The following PARN variants were observed in gnomAD, a reference collection of about 807,000 sequenced individuals.
The protein encoded by PARN is poly(A)-specific ribonuclease, also known as poly(A)-specific ribonuclease PARN.
PARN carries 71 observed loss-of-function variants against 102.8 expected under a neutral mutation model. That is an observed-to-expected ratio of 0.69 (90% confidence interval 0.57 to 0.84). PARN has a LOEUF of 0.84. Among genes scored for constraint, PARN ranks in the 40% least tolerant of loss-of-function variants. PARN has a pLI of 0.00. For missense variants in PARN, 782 were observed against 760.9 expected (o/e 1.03, Z -0.33); for synonymous variants, 261 against 252.9 (o/e 1.03, Z -0.30).
At chr16:14,470,051 A>G (rs1962623717) in intron 22 of PARN, among the ~76,000 whole-genome samples, 2 of 152,238 alleles carry the variant, frequency 1.3e-5, no homozygotes, top group African/African-American at 4.8e-5. Flanking sequence ...GATGATAATG[A>G]GACTTTTAAT....
At chr16:14,513,137 C>G (rs1965289412) in intron 21 of PARN, among the ~76,000 whole-genome samples, 1 of 152,124 alleles carries the variant, frequency 6.6e-6, no homozygotes, top group African/African-American at 2.4e-5. Flanking sequence ...GTTGGCCAGG[C>G]TGGTCTCCAA....
chr16:14,476,733 A>T (rs1596476188), intron 22 of PARN, among the ~76,000 whole-genome samples: 1 of 152,202 alleles, frequency 6.6e-6, no homozygotes, highest in African/African-American at 2.4e-5. Context: ...TTCCAACAGA[A>T]CTTCATAAAA....
At chr16:14,526,719 C>T (rs891649477) in intron 21 of PARN, among the ~76,000 whole-genome samples, 1 of 152,194 alleles carries the variant, frequency 6.6e-6, no homozygotes, top group African/African-American at 2.4e-5. Context: ...AAGTCAAATT[C>T]AACAGTTGTA....
intron 21 of PARN, among the ~76,000 whole-genome samples, chr16:14,497,626 T>C (rs1039924749): frequency 6.6e-6 from 1 of 152,218 alleles, no homozygotes; most frequent in African/African-American, 2.4e-5. Context: ...CTACTTCCCA[T>C]AGCCACATAC....
chr16:14,482,911 G>A (rs1407926614), intron 21 of PARN, 84 bp from the exon 22 acceptor site: 1 of 1,187,298 alleles, frequency 8.4e-7, no homozygotes, highest in Non-Finnish European at 1.2e-6. Context: ...GTGGCCTAAG[G>A]TGGTCAAAGG....
At chr16:14,519,283 G>C (rs1298855221) in intron 21 of PARN, among the ~76,000 whole-genome samples, 5 of 121,564 alleles carry the variant, frequency 4.1e-5, no homozygotes, top group African/African-American at 1.5e-4. Flanking sequence ...GGAGAGGAGA[G>C]AGGAAGGGAG....
intron 21 of PARN, among the ~76,000 whole-genome samples, chr16:14,540,859 G>A (rs1966816784): frequency 6.6e-6 from 1 of 152,218 alleles, no homozygotes; most frequent in African/African-American, 2.4e-5. Flanking sequence ...GCTGAGGCAG[G>A]AGGACTGCTT....
chr16:14,586,426 A>G (rs1969859968), intron 13 of PARN, 65 bp from the exon 14 acceptor site: 2 of 945,138 alleles, frequency 2.1e-6, no homozygotes, highest in Non-Finnish European at 3.4e-6. Context: ...AAAAACATGT[A>G]AACAGCTCAA....
At chr16:14,509,879 T>A (rs532643981) in intron 21 of PARN, among the ~76,000 whole-genome samples, 1 of 152,204 alleles carries the variant, frequency 6.6e-6, no homozygotes, top group Non-Finnish European at 1.5e-5. Flanking sequence ...TTGCTTTGGA[T>A]CCCTCAGAAA....
At chr16:14,466,382 T>C (rs1188528111) in intron 22 of PARN, among the ~76,000 whole-genome samples, 1 of 152,180 alleles carries the variant, frequency 6.6e-6, no homozygotes, top group East Asian at 1.9e-4. Context: ...ACTCAATATG[T>C]GAAAAATCAC....
intron 22 of PARN, among the ~76,000 whole-genome samples, chr16:14,468,424 A>C (rs541833353): frequency 6.6e-6 from 1 of 152,176 alleles, no homozygotes; most frequent in East Asian, 1.9e-4. Context: ...GGGTCTTCAG[A>C]GAGAAGACCA....
intron 6 of PARN, among the ~76,000 whole-genome samples, chr16:14,615,318 A>C (rs1039283451): frequency 2.6e-5 from 4 of 151,930 alleles, no homozygotes; most frequent in Non-Finnish European, 5.9e-5. Context: ...AAAAAAAAAA[A>C]CAAGTTAGAA....
chr16:14,563,961 C>A (rs180712223), intron 18 of PARN, among the ~76,000 whole-genome samples: 1 of 152,248 alleles, frequency 6.6e-6, no homozygotes, highest in African/African-American at 2.4e-5. Flanking sequence ...TTGATCCTCT[C>A]CTGTCTGGAA....
chr16:14,535,106 T>C (rs1366089108), intron 21 of PARN, among the ~76,000 whole-genome samples: 1 of 152,186 alleles, frequency 6.6e-6, no homozygotes, highest in Non-Finnish European at 1.5e-5. Context: ...AGTGCTGGGA[T>C]TCCAGGCGTG....
At chr16:14,528,300 C>A (rs969999019) in intron 21 of PARN, among the ~76,000 whole-genome samples, 2 of 152,066 alleles carry the variant, frequency 1.3e-5, no homozygotes, top group African/African-American at 4.8e-5. Flanking sequence ...CAAAGGAGAC[C>A]CCTGACTGCA....
At chr16:14,595,427 C>G (rs1170003790) in intron 12 of PARN, among the ~76,000 whole-genome samples, 1 of 151,952 alleles carries the variant, frequency 6.6e-6, no homozygotes, top group East Asian at 1.9e-4. Flanking sequence ...TGCAATGGCA[C>G]CATCATGGCT....
chr16:14,628,127 A>G (rs1972790995), intron 3 of PARN, 45 bp downstream of exon 3: 4 of 1,060,542 alleles, frequency 3.8e-6, no homozygotes, highest in Non-Finnish European at 5.9e-6. Context: ...AACATAAGGA[A>G]GACTAACATG....
chr16:14,532,367 T>C (rs1235222929), intron 21 of PARN, among the ~76,000 whole-genome samples: 1 of 150,916 alleles, frequency 6.6e-6, no homozygotes, highest in East Asian at 1.9e-4. Context: ...GATTAGGGAG[T>C]GGTGATGACT....
chr16:14,508,640 T>C (rs1053191490), intron 21 of PARN, among the ~76,000 whole-genome samples: 1 of 151,248 alleles, frequency 6.6e-6, no homozygotes. Flanking sequence ...AATATAGAAA[T>C]CCCTATAATT....
Sources: allele counts gnomAD v4.1 joint callset (sites outside exome capture counted in the v4.1 genomes callset), GRCh38; gene constraint gnomAD v4.1.1; transcripts MANE v1.5; gene names NCBI Gene and HGNC (gene_info 2026-07-23, HGNC 2026-07-21).